Variants in DPP4 observed in about 807,000 individuals in gnomAD.
DPP4 encodes the protein ADCP-2.
In DPP4, 93 loss-of-function variants were observed where a neutral mutation model predicts 122.4. That is an observed-to-expected ratio of 0.76 (90% CI 0.64 to 0.90). DPP4 has a LOEUF of 0.90. Among genes scored for constraint, DPP4 ranks in the 40% least tolerant of loss-of-function variants. The probability of loss-of-function intolerance (pLI) is 0.00; values close to 1 mark genes in which losing one functional copy is unlikely to be tolerated. For synonymous variants in DPP4, 321 were observed against 302.9 expected, an observed-to-expected ratio of 1.06 and a Z score of -0.62; for missense variants, 914 against 907.3, an observed-to-expected ratio of 1.01 and a Z score of -0.09.
chr2:162,073,132 C>T (rs1685175385), intron 2 of DPP4: 1 of 325,928 alleles, frequency 3.1e-6, no homozygotes, highest in Non-Finnish European at 5.6e-6. Flanking sequence ...TTAAAAATCC[C>T]GACTCTCCCT....
Position 162,004,279 on chromosome 2 carries a change from A to G in DPP4, c.2052+1466T>C, listed in dbSNP as rs568373445. ...GTGAGAAGACAAGATAAGGGGAGAC[A>G]AATCGGGTTATTGTTATAAAAGGAG... On this transcript the variant is annotated intron_variant, in intron 23 of 25. Coordinates refer to ENST00000360534, the MANE Select transcript of DPP4 (RefSeq NM_001935.4). Among the ~76,000 whole-genome samples, 9 of 152,242 alleles carry G rather than the reference A, an allele frequency of 5.9e-5. No homozygotes were observed. In the East Asian group the frequency reaches 1.7e-3, roughly 29 times the overall value.
At chr2:162,022,231 C>T (rs1268664295) in intron 12 of DPP4, among the ~76,000 whole-genome samples, 2 of 152,192 alleles carry the variant, frequency 1.3e-5, no homozygotes, top group Non-Finnish European at 2.9e-5. Context: ...GGTCACCACA[C>T]TTTCCTGGAT....
At chr2:162,019,816 T>C (rs1480832008) in intron 14 of DPP4, among the ~76,000 whole-genome samples, 1 of 152,156 alleles carries the variant, frequency 6.6e-6, no homozygotes, top group Non-Finnish European at 1.5e-5. Flanking sequence ...TACCAACTCA[T>C]ATATGGCAGT....
chr2:161,996,843 C>T (rs1036969216), intron 23 of DPP4, among the ~76,000 whole-genome samples: 10 of 152,080 alleles, frequency 6.6e-5, no homozygotes, highest in Non-Finnish European at 1.0e-4. Context: ...TAAAAGGCCT[C>T]GGTACTATCC....
At chr2:162,008,527 T>C (rs758009538) in intron 22 of DPP4, 35 bp downstream of exon 22, 1 of 1,576,200 alleles carries the variant, frequency 6.3e-7, no homozygotes, top group Non-Finnish European at 8.7e-7. Context: ...AGGTCAACAC[T>C]CCGTATCTCT....
rs1684195371 is a variant in DPP4 at position 162,046,863 on chromosome 2, G to A, written c.285+52C>T. The A allele has an allele frequency of 3.3e-6, 4 of 1,230,744 alleles. No homozygotes were observed. The South Asian group carries it at 4.9e-5, about 15-fold the overall frequency. 76.2% of individuals were successfully genotyped at this position (1,230,744 alleles called of 1,614,324 possible). ...CAGTACTCGTGATTCCAAAGGTAATGAAAAAAATCCCCAGAATTCTATGCA... is the reference window on the plus strand; with the variant it reads ...CAGTACTCGTGATTCCAAAGGTAATAAAAAAAATCCCCAGAATTCTATGCA... On this transcript the variant is annotated intron_variant, in intron 4 of 25. Coordinates refer to ENST00000360534, the MANE Select transcript of DPP4 (RefSeq NM_001935.4).
chr2:161,999,904 G>C (rs533098679), intron 23 of DPP4, among the ~76,000 whole-genome samples: 10 of 152,146 alleles, frequency 6.6e-5, no homozygotes, highest in Non-Finnish European at 8.8e-5. Context: ...TGTGAGGTAG[G>C]TCTGATTATC....
In DPP4 at chr2:162,074,053, G is replaced by C. The variant is rs1576080565; in HGVS notation, c.-72C>G. 7 of 1,577,442 alleles carry C rather than the reference G, an allele frequency of 4.4e-6. No individual in the cohort carries two copies. In the African/African-American group the frequency reaches 6.7e-5, roughly 15 times the overall value. ...AGAAGTCACCGCGGGCGGCGGAGACGCGCGTCCTGCACCGCTGCTCCGGGC... is the reference window on the plus strand; with the variant it reads ...AGAAGTCACCGCGGGCGGCGGAGACCCGCGTCCTGCACCGCTGCTCCGGGC... On this transcript the variant is annotated 5_prime_UTR_variant, in exon 1 of 26. Transcript: ENST00000360534.
chr2:162,046,608 C>T (rs1395019383), intron 4 of DPP4: 2 of 471,292 alleles, frequency 4.2e-6, no homozygotes, highest in Non-Finnish European at 8.3e-6. Flanking sequence ...GAGAGGAGGG[C>T]AGTAATGCTG....
At chr2:162,061,429 C>A (rs1016538847) in intron 2 of DPP4, among the ~76,000 whole-genome samples, 1 of 152,218 alleles carries the variant, frequency 6.6e-6, no homozygotes, top group Non-Finnish European at 1.5e-5. Context: ...ATTTCTCTCT[C>A]CTCATCTTAT....
chr2:161,995,301 A>G lies in DPP4; in HGVS notation c.2124T>C (p.Asp708=), dbSNP rs200868239. Residue 708 remains aspartate, a splice_region_variant and synonymous_variant, in exon 24 of 26, where the codon GAT becomes GAC. Coordinates refer to ENST00000360534, the MANE Select transcript of DPP4 (RefSeq NM_001935.4). ...AAAGTCTAATTAACTGAAACTCACC[A>G]TCTGCTGTTCCATGAATAAGGAGGT... ...VEYLLIHGTA[D]DNVHFQQSAQ... is the part of the protein sequence containing the mutation. The G allele has an allele frequency of 1.2e-6, 2 of 1,613,746 alleles. No homozygotes were observed. Among genetic ancestry groups the G allele is most frequent in the Non-Finnish European group, 1.7e-6 (2 of 1,179,668 alleles).
chr2:161,993,403 G>A lies in DPP4; in HGVS notation c.2200-19C>T. On this transcript the variant is annotated intron_variant, in intron 25 of 25. Coordinates refer to ENST00000360534, the MANE Select transcript of DPP4 (RefSeq NM_001935.4). ...TATACCACTAGAGAGAGAAAGAAAA[G>A]AAGTTAGAATTAGGAAGTCAGTACT... 1 of 1,568,102 alleles carries A rather than the reference G, an allele frequency of 6.4e-7. No homozygotes were observed. Among genetic ancestry groups the A allele is most frequent in the Non-Finnish European group, 8.8e-7 (1 of 1,141,432 alleles).
chr2:162,010,354 T>TAA (rs1274395230), intron 20 of DPP4, among the ~76,000 whole-genome samples: 4 of 152,338 alleles, frequency 2.6e-5, no homozygotes, highest in African/African-American at 9.6e-5. Context: ...TTGAATTCCA[T>TAA]AAAAATTTCA....
At chr2:161,998,275 G>A (rs1701055035) in intron 23 of DPP4, among the ~76,000 whole-genome samples, 1 of 152,222 alleles carries the variant, frequency 6.6e-6, no homozygotes, top group African/African-American at 2.4e-5. Context: ...GCTGAGGCTT[G>A]AGTACTGACC....
Position 162,035,184 on chromosome 2 carries a change from C to A in DPP4, c.754G>T (p.Val252Leu). The A allele has an allele frequency of 6.2e-7, 1 of 1,613,584 alleles. No homozygotes were observed. Among genetic ancestry groups the A allele is most frequent in the Non-Finnish European group, 8.5e-7 (1 of 1,179,794 alleles). Residue 252 changes from valine to leucine, a missense_variant, in exon 9 of 26, where the codon GTA (valine) becomes TTA (leucine). By Grantham distance (32) the Val-to-Leu change is conservative (BLOSUM62 1). Coordinates refer to ENST00000360534, the MANE Select transcript of DPP4 (RefSeq NM_001935.4). ...SDESLQYPKT[V>L]RVPYPKAGAV... is the part of the protein sequence containing the mutation. ...CAGACCTTTGGATATGGAACCCGTA[C>A]AGTCTTTGGGTACTGCAGTGACTCA...
chr2:162,028,327 A>C (rs942188190), intron 10 of DPP4, among the ~76,000 whole-genome samples: 1 of 152,128 alleles, frequency 6.6e-6, no homozygotes, highest in Admixed American at 6.5e-5. Context: ...ATGCCATTGC[A>C]CTCCAGCCTG....
At chr2:161,999,745 G>C (rs1273919269) in intron 23 of DPP4, among the ~76,000 whole-genome samples, 1 of 152,154 alleles carries the variant, frequency 6.6e-6, no homozygotes, top group Non-Finnish European at 1.5e-5. Flanking sequence ...AGAAACAGAA[G>C]GTATAACAAT....
chr2:162,031,262 A>C (rs548270084), intron 10 of DPP4, among the ~76,000 whole-genome samples: 2 of 152,144 alleles, frequency 1.3e-5, no homozygotes, highest in Non-Finnish European at 2.9e-5. Context: ...TGTGTCCTGG[A>C]ACCACTCCAG....
At chr2:162,017,044 A>C in intron 17 of DPP4, 64 bp downstream of exon 17, 1 of 1,530,154 alleles carries the variant, frequency 6.5e-7, no homozygotes, top group South Asian at 1.2e-5. Context: ...AATGCTAAGT[A>C]CATGTTAGAC....
Sources: allele counts gnomAD v4.1 joint callset (sites outside exome capture counted in the v4.1 genomes callset), GRCh38; gene constraint gnomAD v4.1.1; transcripts MANE v1.5; gene names NCBI Gene and HGNC (gene_info 2026-07-23, HGNC 2026-07-21).